SLC26A8: variants seen among roughly 807,000 people sequenced by gnomAD.
The protein encoded by SLC26A8 is solute carrier family 26 member 8.
In SLC26A8, 70 loss-of-function variants were observed where a neutral mutation model predicts 105.0. The ratio of observed to expected loss-of-function variants is 0.67; its 90% CI spans 0.55 to 0.81. The LOEUF is 0.81. Among genes scored for constraint, SLC26A8 ranks in the 40% least tolerant of loss-of-function variants. The probability of loss-of-function intolerance (pLI) is 0.00; values close to 1 mark genes in which losing one functional copy is unlikely to be tolerated. For synonymous variants in SLC26A8, 415 were observed against 438.3 expected, an observed-to-expected ratio of 0.95 and a Z score of 0.66; for missense variants, 998 against 1,181.8, an observed-to-expected ratio of 0.84 and a Z score of 2.28.
intron 11 of SLC26A8, among the ~76,000 whole-genome samples, chr6:35,965,393 A>G (rs1772467556): frequency 6.6e-6 from 1 of 152,096 alleles, no homozygotes; most frequent in Non-Finnish European, 1.5e-5. Flanking sequence ...TTTTGCTCAC[A>G]CCTGGCTGGG....
At chr6:36,005,598 T>C (rs1365628645) in intron 3 of SLC26A8, among the ~76,000 whole-genome samples, 1 of 152,230 alleles carries the variant, frequency 6.6e-6, no homozygotes, top group Non-Finnish European at 1.5e-5. Context: ...ATGTTGTATC[T>C]TTCTCATTGT....
At chr6:36,010,501 T>C (rs1562070574) in intron 3 of SLC26A8, among the ~76,000 whole-genome samples, 1 of 151,864 alleles carries the variant, frequency 6.6e-6, no homozygotes, top group Non-Finnish European at 1.5e-5. Context: ...TCTGCATCAA[T>C]TGTGGTGGTG....
intron 2 of SLC26A8, among the ~76,000 whole-genome samples, chr6:36,017,252 C>G (rs1762020147): frequency 6.6e-6 from 1 of 151,884 alleles, no homozygotes; most frequent in South Asian, 2.1e-4. Context: ...CTTGTATGAT[C>G]TTGAATTTGA....
At chr6:35,944,795 C>T (rs112120383) in intron 19 of SLC26A8, among the ~76,000 whole-genome samples, 3,625 of 152,120 alleles carry the variant, frequency 0.024, 62 homozygotes, top group Middle Eastern at 0.048. Flanking sequence ...GTACCAGAAC[C>T]ATGGGTTCCT....
At chr6:36,009,181 GT>G (rs1365452713) in intron 3 of SLC26A8, among the ~76,000 whole-genome samples, 3 of 152,118 alleles carry the variant, frequency 2.0e-5, no homozygotes, top group African/African-American at 7.2e-5. Flanking sequence ...GTGAAACCCT[GT>G]CTCTACTAAA....
At chr6:35,983,554 C>CTT (rs879555986) in intron 7 of SLC26A8, among the ~76,000 whole-genome samples, 16 of 143,690 alleles carry the variant, frequency 1.1e-4, no homozygotes, top group African/African-American at 3.5e-4. Flanking sequence ...CTTTTGCTCT[C>CTT]TTTTTTTTTT....
chr6:35,955,477 G>A lies in SLC26A8; in HGVS notation c.1907C>T (p.Ala636Val). 1 of 1,614,142 alleles carries A rather than the reference G, an allele frequency of 6.2e-7. No individual in the cohort carries two copies. The highest frequency in any genetic ancestry group is 8.5e-7 in the Non-Finnish European group (1 of 1,180,006). ...GCAGTGAATCAGGTTAATGGAGGAT[G>A]CTTCGGGATCCAGTTTATTTTCAAA... ...ERFENKLDPE[A>V]SSINLIHCSH... The change falls in exon 17 of 20, where the codon GCA (alanine) becomes GTA (valine). Residue 636 changes from alanine to valine, a missense_variant. Physicochemically the swap from Ala to Val is moderately conservative, Grantham distance 64 (BLOSUM62 0). Coordinates refer to ENST00000490799, the MANE Select transcript of SLC26A8 (RefSeq NM_052961.4).
intron 1 of SLC26A8, among the ~76,000 whole-genome samples, chr6:36,023,162 TATCCATCCATCCATCCATCC>T (rs68186703): frequency 1.4e-5 from 2 of 142,974 alleles, no homozygotes; most frequent in East Asian, 2.1e-4. Context: ...ATAGTACCCT[TATCCATCCATCCATCCATCC>T]ATCCATCCAT....
rs368479867 is a variant in SLC26A8, at chr6:35,951,504, G to A, written c.2233-5C>T. On this transcript the variant is annotated splice_region_variant and splice_polypyrimidine_tract_variant and intron_variant, in intron 17 of 19. Transcript: ENST00000490799. Reference sequence around the variant, plus strand: ...GTTTTGAAAGGCATTGCATATCTGTGGGGGGAGAGAAAACCAGTATCAGAA... The same window carrying A: ...GTTTTGAAAGGCATTGCATATCTGTAGGGGGAGAGAAAACCAGTATCAGAA... 4 of 1,613,936 alleles carry A rather than the reference G, an allele frequency of 2.5e-6. No individual in the cohort carries two copies. The highest frequency in any genetic ancestry group is 1.3e-5 in the African/African-American group (1 of 75,008).
Position 35,946,726 on chromosome 6 carries a change from C to T in SLC26A8, c.2473-2386G>A, listed in dbSNP as rs1771690076. Among the ~76,000 whole-genome samples the T allele has an allele frequency of 2.6e-5, 4 of 152,188 alleles. No homozygotes were observed. The South Asian group carries it at 6.2e-4, about 24-fold the overall frequency. ...TTTTTTTGACCGGGTCTTACTCTGT[C>T]ATCCAGGCCAGAGTGCAGTGGCACA... On this transcript the variant is annotated intron_variant, in intron 19 of 19. Coordinates refer to ENST00000490799, the MANE Select transcript of SLC26A8 (RefSeq NM_052961.4).
chr6:36,021,855 C>T (rs1762133777), intron 1 of SLC26A8, among the ~76,000 whole-genome samples: 1 of 152,250 alleles, frequency 6.6e-6, no homozygotes, highest in South Asian at 2.1e-4. Context: ...GTGATCTCAG[C>T]TCACAGGGTT....
chr6:35,959,708 A>G lies in SLC26A8; in HGVS notation c.1731+6T>C. The stretch of plus-strand genomic sequence containing the variant: ...GGTTGAGAAAGGCGGGCAGGAGGGC[A>G]GATACCTCTTTTAACAGCTTATGCT... On this transcript the variant is annotated splice_donor_region_variant and intron_variant, in intron 15 of 19. Coordinates refer to ENST00000490799, the MANE Select transcript of SLC26A8 (RefSeq NM_052961.4). 2 of 1,607,092 alleles carry G rather than the reference A, an allele frequency of 1.2e-6. No individual in the cohort carries two copies. The highest frequency in any genetic ancestry group is 1.3e-5 in the African/African-American group (1 of 74,530).
intron 7 of SLC26A8, among the ~76,000 whole-genome samples, chr6:35,989,251 A>G (rs1488216029): frequency 6.6e-6 from 1 of 152,174 alleles, no homozygotes; most frequent in Non-Finnish European, 1.5e-5. Flanking sequence ...TCTACCACTT[A>G]CTATTTAATT....
At chr6:35,969,559 C>G (rs1311874032) in intron 10 of SLC26A8, 1 of 152,142 alleles carries the variant, frequency 6.6e-6, no homozygotes, top group Non-Finnish European at 1.5e-5. Context: ...GATCACGCCA[C>G]TGCACTCCAG....
At chr6:36,007,891 C>G (rs897012636) in intron 3 of SLC26A8, among the ~76,000 whole-genome samples, 1 of 151,926 alleles carries the variant, frequency 6.6e-6, no homozygotes, top group East Asian at 1.9e-4. Context: ...GAGGCCAAGG[C>G]GGGCAGATCA....
rs771618342 is a variant in SLC26A8, at chr6:35,984,316, CTTATT to C, written c.943-2118_943-2114del. On this transcript the variant is annotated intron_variant, in intron 7 of 19. Coordinates refer to ENST00000490799, the MANE Select transcript of SLC26A8 (RefSeq NM_052961.4). Reference sequence around the variant, plus strand: ...CTTCTTTTCTTTCTTTCTTCTTCTTCTTATTTTTTTTTTTTTTTTTTTTGAGACAG... The same window carrying C: ...CTTCTTTTCTTTCTTTCTTCTTCTTCTTTTTTTTTTTTTTTTTTGAGACAG... Among the ~76,000 whole-genome samples, 3 of 95,930 alleles carry C rather than the reference CTTATT, an allele frequency of 3.1e-5. No individual in the cohort carries two copies. The South Asian group carries it at 1.2e-3, about 39-fold the overall frequency. The allele number at this position is 95,930 out of a possible 152,430, so 62.9% of individuals were successfully genotyped here.
rs6457871 is a variant in SLC26A8, at chr6:35,991,441, T to G, written c.942+218A>C. ...AAAAAACTTGATTTAAACATTTCAC[T>G]ATGTATATCAGAATATCACATCATA... On this transcript the variant is annotated intron_variant, in intron 7 of 19. Transcript: ENST00000490799. Among the ~76,000 whole-genome samples, 83,861 of 149,958 alleles carry G rather than the reference T, an allele frequency of 0.56. 23,865 individuals carry two copies. Among genetic ancestry groups the G allele is most frequent in the South Asian group, 0.71 (3,395 of 4,788 alleles).
intron 8 of SLC26A8, among the ~76,000 whole-genome samples, chr6:35,979,431 G>A (rs1183272761): frequency 9.2e-5 from 14 of 151,960 alleles, no homozygotes; most frequent in East Asian, 3.9e-4. Context: ...AGCCAAGATC[G>A]TGCCACTGCA....
intron 3 of SLC26A8, 72 bp downstream of exon 3, chr6:36,012,161 T>C (rs1205563592): frequency 1.2e-5 from 18 of 1,546,794 alleles, no homozygotes; most frequent in Non-Finnish European, 1.6e-5. Flanking sequence ...GCACAAGTAA[T>C]TGTTTACCCT....
Sources: gnomAD v4.1 joint callset for allele counts (sites outside exome capture counted in the v4.1 genomes callset) on GRCh38, gnomAD v4.1.1 for gene constraint, MANE v1.5 for transcripts, NCBI Gene and HGNC (gene_info 2026-07-23, HGNC 2026-07-21) for gene names.